The following DAAM1 variants were observed in gnomAD, a reference collection of about 807,000 sequenced individuals.
DAAM1 encodes dishevelled associated activator of morphogenesis 1.
DAAM1 carries 52 observed loss-of-function variants against 130.0 expected under a neutral mutation model. The observed-to-expected ratio is 0.40, with a 90% CI of 0.32 to 0.50. The LOEUF (loss-of-function observed/expected upper bound fraction) is 0.50. DAAM1 is among the 20% of genes least tolerant of loss of function. The pLI, the probability that DAAM1 is intolerant of heterozygous loss-of-function variation, is 0.61. For missense variants in DAAM1, 1,134 were observed against 1,303.8 expected (o/e 0.87, Z 2.01); for synonymous variants, 452 against 444.5 (o/e 1.02, Z -0.21).
At chr14:59,255,984 A>G (rs1881865801) in intron 1 of DAAM1, among the ~76,000 whole-genome samples, 1 of 151,902 alleles carries the variant, frequency 6.6e-6, no homozygotes, top group African/African-American at 2.4e-5. Flanking sequence ...CCTCCAGCAT[A>G]TCTTGACTGC....
At chr14:59,331,698 CT>C in intron 14 of DAAM1, 114 bp from the exon 15 acceptor site, 1 of 1,494,442 alleles carries the variant, frequency 6.7e-7, no homozygotes, top group Non-Finnish European at 9.0e-7. Flanking sequence ...AAACCCGTCA[CT>C]TTGAGTGTCT....
intron 1 of DAAM1, among the ~76,000 whole-genome samples, chr14:59,203,683 A>T (rs1752955554): frequency 6.6e-6 from 1 of 152,228 alleles, no homozygotes; most frequent in African/African-American, 2.4e-5. Flanking sequence ...TTTCTCATAC[A>T]TCCTAATCAT....
intron 20 of DAAM1, among the ~76,000 whole-genome samples, chr14:59,356,253 A>G (rs549566959): frequency 1.9e-4 from 29 of 152,316 alleles, no homozygotes; most frequent in African/African-American, 6.7e-4. Context: ...TATATTTTCT[A>G]TAGGGTTCGT....
chr14:59,355,258 G>T lies in DAAM1; in HGVS notation c.2450G>T (p.Gly817Val), dbSNP rs529381051. 45 of 1,614,078 alleles carry T rather than the reference G, an allele frequency of 2.8e-5. No individual in the cohort carries two copies. The South Asian group carries it at 4.8e-4, about 17-fold the overall frequency. Reference sequence around the variant, plus strand: ...GCATTTGGAAATTATATGAATAAAGGTCAAAGAGGGAATGCATATGGATTC... The same window carrying T: ...GCATTTGGAAATTATATGAATAAAGTTCAAAGAGGGAATGCATATGGATTC... Reference protein sequence around the residue: ...VLAFGNYMNKGQRGNAYGFKI... With the variant: ...VLAFGNYMNKVQRGNAYGFKI... The change falls in exon 20 of 25, where the codon GGT becomes GTT. Residue 817 changes from glycine (G) to valine (V), a missense_variant. Around this residue, in one of 3 missense-constraint regions of DAAM1, gnomAD observed 644 missense variants for 695.9 expected, o/e 0.93. Coordinates refer to ENST00000360909, the MANE Select transcript of DAAM1 (RefSeq NM_001270520.2).
intron 1 of DAAM1, among the ~76,000 whole-genome samples, chr14:59,250,717 T>G (rs916679726): frequency 1.2e-4 from 19 of 152,244 alleles, no homozygotes; most frequent in African/African-American, 3.6e-4. Context: ...GAGCATCTTG[T>G]GCGTGCTAAG....
At chr14:59,188,895 C>G (rs1340986482) in intron 1 of DAAM1, 127 bp downstream of exon 1, 3 of 153,172 alleles carry the variant, frequency 2.0e-5, no homozygotes, top group Non-Finnish European at 4.4e-5. Context: ...GCTGCCTCCC[C>G]GGAGCTCCCG....
intron 1 of DAAM1, among the ~76,000 whole-genome samples, chr14:59,254,193 T>C (rs1008600667): frequency 3.5e-4 from 53 of 152,282 alleles, no homozygotes; most frequent in African/African-American, 1.1e-3. Context: ...TACACCTGGA[T>C]CATAGAGGAC....
chr14:59,292,481 GC>G (rs1490434721), intron 3 of DAAM1, among the ~76,000 whole-genome samples: 4 of 152,136 alleles, frequency 2.6e-5, no homozygotes, highest in African/African-American at 9.7e-5. Context: ...CTAGCAGTGA[GC>G]CTATGTGAGT....
At chr14:59,252,675 G>A (rs17095953) in intron 1 of DAAM1, among the ~76,000 whole-genome samples, 34,840 of 141,268 alleles carry the variant, frequency 0.25, 4,172 homozygotes, top group East Asian at 0.33. Flanking sequence ...ACCAAACAGT[G>A]GTTAACATAT....
intron 2 of DAAM1, chr14:59,265,524 G>C (rs780940074): frequency 6.6e-6 from 1 of 152,182 alleles, no homozygotes; most frequent in Non-Finnish European, 1.5e-5. Context: ...CAAATTACCT[G>C]TGTGTGTAAT....
chr14:59,324,995 A>G (rs1486999859), intron 8 of DAAM1, among the ~76,000 whole-genome samples: 1 of 152,084 alleles, frequency 6.6e-6, no homozygotes, highest in Admixed American at 6.5e-5. Context: ...TCTCCTGTAT[A>G]TTCATATACT....
chr14:59,280,457 A>G (rs1883158365), intron 2 of DAAM1, among the ~76,000 whole-genome samples: 1 of 150,012 alleles, frequency 6.7e-6, no homozygotes, highest in South Asian at 2.1e-4. Flanking sequence ...TAATCAAATA[A>G]TCCTCACTAT....
intron 2 of DAAM1, among the ~76,000 whole-genome samples, chr14:59,271,726 C>T (rs1882717034): frequency 6.6e-6 from 1 of 152,154 alleles, no homozygotes; most frequent in South Asian, 2.1e-4. Flanking sequence ...CTCAGGCTGT[C>T]AGCATAATTT....
chr14:59,292,325 T>C (rs1318448175), intron 3 of DAAM1, among the ~76,000 whole-genome samples: 1 of 152,190 alleles, frequency 6.6e-6, no homozygotes, highest in African/African-American at 2.4e-5. Flanking sequence ...GGAAGCCTTT[T>C]ACTAGGTGAA....
chr14:59,218,043 G>A (rs1037793437), intron 1 of DAAM1, among the ~76,000 whole-genome samples: 2 of 152,030 alleles, frequency 1.3e-5, no homozygotes, highest in African/African-American at 4.8e-5. Flanking sequence ...TGAGGAAGGA[G>A]CATCACTTGG....
rs369340356 is a variant in DAAM1, at chr14:59,359,419, C to G, written c.2548C>G (p.Leu850Val). Residue 850 changes from leucine (L) to valine (V), a missense_variant, in exon 21 of 25, where the codon CTC becomes GTC. Physicochemically the swap from Leu to Val is conservative, Grantham distance 32. This residue lies in a region of DAAM1 where 644 missense variants were observed against 695.9 expected (regional missense o/e 0.93). Transcript: ENST00000360909. ...IDKNITLLHY[L>V]ITIVENKYPS... ...TAGAAACATTACCCTTTTGCACTAT[C>G]TCATCACTATTGTGGAAAATAAGTA... 2.2e-5 allele frequency: 36 copies of G among 1,613,312 alleles called. No homozygotes were observed. The highest frequency in any genetic ancestry group is 2.9e-5 in the Non-Finnish European group (34 of 1,179,400).
chr14:59,189,376 A>G (rs1887656370), intron 1 of DAAM1, among the ~76,000 whole-genome samples: 1 of 152,198 alleles, frequency 6.6e-6, no homozygotes, highest in Non-Finnish European at 1.5e-5. Context: ...AATGTTTCAA[A>G]ACAGAGAGAA....
chr14:59,348,335 T>C (rs1024086714), intron 17 of DAAM1, among the ~76,000 whole-genome samples: 2 of 150,510 alleles, frequency 1.3e-5, no homozygotes, highest in African/African-American at 4.8e-5. Flanking sequence ...TCCAACGGGA[T>C]CATGGGCTGT....
intron 12 of DAAM1, 74 bp from the exon 13 acceptor site, chr14:59,330,427 C>T: frequency 7.3e-7 from 1 of 1,368,266 alleles, no homozygotes; most frequent in Non-Finnish European, 9.9e-7. Flanking sequence ...CATCCTCAGT[C>T]AATTTTCTTT....
Sources: allele counts gnomAD v4.1 joint callset (sites outside exome capture counted in the v4.1 genomes callset), GRCh38; gene constraint gnomAD v4.1.1; regional missense constraint gnomAD v4.1.1; transcripts MANE v1.5; gene names NCBI Gene and HGNC (gene_info 2026-07-23, HGNC 2026-07-21).